TENM4: variants seen among roughly 807,000 people sequenced by gnomAD.
TENM4 encodes teneurin transmembrane protein 4, also known as teneurin-4.
Under a neutral mutation model 243.3 loss-of-function variants are expected in TENM4, and 82 were observed. The observed-to-expected ratio is 0.34, with a 90% confidence interval of 0.28 to 0.40. The LOEUF is 0.40. TENM4 is among the 10% of genes least tolerant of loss of function. The pLI, the probability that TENM4 is intolerant of heterozygous loss-of-function variation, is 1.00. For missense variants in TENM4, 3,138 were observed against 3,673.3 expected, an observed-to-expected ratio of 0.85 and a Z score of 3.77; for synonymous variants, 1,412 against 1,456.3, an observed-to-expected ratio of 0.97 and a Z score of 0.69.
rs1300276287 is a variant in TENM4 at position 78,688,150 on chromosome 11, T to C, written c.5164A>G (p.Ser1722Gly). 1 of 1,613,972 alleles carries C rather than the reference T, an allele frequency of 6.2e-7. No homozygotes were observed. Among genetic ancestry groups the C allele is most frequent in the Non-Finnish European group, 8.5e-7 (1 of 1,179,868 alleles). Residue 1722 changes from serine to glycine, a missense_variant, in exon 29 of 34, where the codon AGT (serine) becomes GGT (glycine). Ser to Gly is a moderately conservative substitution (Grantham distance 56). Around this residue, in one of 2 missense-constraint regions of TENM4, gnomAD observed 2,467 missense variants for 3,059.1 expected, o/e 0.81. Coordinates refer to ENST00000278550, the MANE Select transcript of TENM4 (RefSeq NM_001098816.3). ...GTCTCTACCTGGACATGCACTGAACTGTCTGTATCACTTCGGAAACTGCTC... is the reference window on the plus strand; with the variant it reads ...GTCTCTACCTGGACATGCACTGAACCGTCTGTATCACTTCGGAAACTGCTC... ...QVSSFRSDTD[S>G]SVHVQVETSS... is the part of the protein sequence containing the mutation.
chr11:78,761,131 G>A (rs1856421632), intron 18 of TENM4, among the ~76,000 whole-genome samples: 1 of 151,984 alleles, frequency 6.6e-6, no homozygotes, highest in Non-Finnish European at 1.5e-5. Context: ...CTAGCTCATG[G>A]TCAATCATTT....
intron 6 of TENM4, among the ~76,000 whole-genome samples, chr11:78,944,277 C>A (rs182962539): frequency 0.014 from 2,132 of 151,534 alleles, 27 homozygotes; most frequent in Admixed American, 0.031. Context: ...AAAAAAAAAA[C>A]AAAGAACCTG....
chr11:78,960,194 G>A (rs1857288259), intron 6 of TENM4, among the ~76,000 whole-genome samples: 1 of 152,026 alleles, frequency 6.6e-6, no homozygotes, highest in Admixed American at 6.5e-5. Flanking sequence ...TTGAAACACA[G>A]GCAGCTAAAA....
chr11:78,715,648 T>A (rs1427628552), intron 25 of TENM4, among the ~76,000 whole-genome samples: 1 of 152,180 alleles, frequency 6.6e-6, no homozygotes, highest in African/African-American at 2.4e-5. Flanking sequence ...GCTTTGAGCT[T>A]AGAAGGTGTA....
intron 6 of TENM4, among the ~76,000 whole-genome samples, chr11:79,040,429 T>C (rs2136898325): frequency 1.3e-5 from 2 of 152,286 alleles, no homozygotes; most frequent in Middle Eastern, 3.4e-3. Flanking sequence ...GCCTCCTGCC[T>C]CCTTTCTGTG....
chr11:78,686,714 G>C (rs1205356394), intron 29 of TENM4, among the ~76,000 whole-genome samples: 2 of 152,178 alleles, frequency 1.3e-5, no homozygotes, highest in African/African-American at 4.8e-5. Context: ...CCTATATTTG[G>C]TCACAGAAGT....
At position 78,675,847 on chromosome 11, in the gene TENM4, C is replaced by G. The variant is rs184290571; in HGVS notation, c.5496+305G>C. On this transcript the variant is annotated intron_variant, in intron 30 of 33. Transcript: ENST00000278550. ...AGCAACTTGTAAAATTGGCCTTGTCCTTCCCATTTTATAGATGATGAAATT... is the reference window on the plus strand; with the variant it reads ...AGCAACTTGTAAAATTGGCCTTGTCGTTCCCATTTTATAGATGATGAAATT... Among the ~76,000 whole-genome samples the G allele has an allele frequency of 7.3e-3, 1,110 of 152,202 alleles. 8 individuals are homozygous for G. Among genetic ancestry groups the G allele is most frequent in the Non-Finnish European group, 0.01 (702 of 67,996 alleles).
In TENM4 at chr11:78,726,071, C is replaced by T. The variant is rs1855504268; in HGVS notation, c.3550+8G>A. ...GCCTGGTTCAAGTAATTCTATTAAT[C>T]CACTTACCACTTTGAATGTTGAGGG... On this transcript the variant is annotated splice_region_variant and intron_variant, in intron 23 of 33. Transcript: ENST00000278550. The T allele has an allele frequency of 6.2e-7, 1 of 1,613,612 alleles. No homozygotes were observed.
rs1221611322 is a variant in TENM4 at position 79,032,558 on chromosome 11, C to T, written c.493+32180G>A. On this transcript the variant is annotated intron_variant, in intron 6 of 33. Coordinates refer to ENST00000278550, the MANE Select transcript of TENM4 (RefSeq NM_001098816.3). The stretch of plus-strand genomic sequence containing the variant: ...AGAAGTGTGTGATAGGCATGAATGA[C>T]GTGAAAGCCTTTCAAATGTCCAGGT... Among the ~76,000 whole-genome samples, 9 of 152,276 alleles carry T rather than the reference C, an allele frequency of 5.9e-5. No homozygotes were observed. The East Asian group carries it at 1.5e-3, about 26-fold the overall frequency.
Position 78,676,317 on chromosome 11 carries a change from C to A in TENM4, c.5331G>T (p.Glu1777Asp). ...AGTGGGGCTCAGTCTGCAGCGCCAC[C>A]TCCATGCCGTTGGCCAGCAGCAGCC... is the stretch of plus-strand genomic sequence containing the variant. The part of the protein sequence containing the change: ...SLRLLLANGM[E>D]VALQTEPHLL... The change falls in exon 30 of 34, where the codon GAG (glutamate) becomes GAT (aspartate). Residue 1777 changes from glutamate to aspartate, a missense_variant. Coordinates refer to ENST00000278550, the MANE Select transcript of TENM4 (RefSeq NM_001098816.3). The A allele has an allele frequency of 1.9e-6, 3 of 1,611,738 alleles. No homozygotes were observed. Among genetic ancestry groups the A allele is most frequent in the Non-Finnish European group, 2.5e-6 (3 of 1,178,144 alleles).
chr11:78,981,712 T>C (rs539815515), intron 6 of TENM4, among the ~76,000 whole-genome samples: 3 of 152,326 alleles, frequency 2.0e-5, no homozygotes, highest in African/African-American at 7.2e-5. Flanking sequence ...AATGAGATAA[T>C]AAATGTTGAA....
intron 18 of TENM4, among the ~76,000 whole-genome samples, chr11:78,764,315 T>A (rs958086247): frequency 6.6e-6 from 1 of 152,218 alleles, no homozygotes; most frequent in Admixed American, 6.5e-5. Context: ...AACTGGGAAT[T>A]TGGTCCATTA....
chr11:78,852,040 G>A (rs1017435223), intron 12 of TENM4, among the ~76,000 whole-genome samples: 4 of 152,196 alleles, frequency 2.6e-5, no homozygotes, highest in African/African-American at 7.2e-5. Context: ...CCTGCCAGGG[G>A]AGTTCGTTCC....
chr11:78,853,884 C>G (rs529771390), intron 12 of TENM4, among the ~76,000 whole-genome samples: 1 of 152,290 alleles, frequency 6.6e-6, no homozygotes, highest in East Asian at 1.9e-4. Context: ...CCACAGACAG[C>G]AGGAGAGAAG....
chr11:78,885,736 T>C (rs1004128080), intron 9 of TENM4, among the ~76,000 whole-genome samples: 1 of 151,994 alleles, frequency 6.6e-6, no homozygotes, highest in African/African-American at 2.4e-5. Context: ...TTGGGCAACA[T>C]ATTAGACCTC....
intron 32 of TENM4, among the ~76,000 whole-genome samples, chr11:78,667,004 T>C (rs563641765): frequency 1.3e-4 from 20 of 152,090 alleles, no homozygotes; most frequent in Non-Finnish European, 2.5e-4. Flanking sequence ...TCAGCTACAG[T>C]AACCTGCCAA....
intron 1 of TENM4, among the ~76,000 whole-genome samples, chr11:79,419,080 A>G (rs905550185): frequency 6.6e-6 from 1 of 152,200 alleles, no homozygotes; most frequent in African/African-American, 2.4e-5. Flanking sequence ...ACTTGTTTGA[A>G]GCATAGGATT....
chr11:78,789,691 G>A (rs986182673), intron 15 of TENM4, among the ~76,000 whole-genome samples: 1 of 152,156 alleles, frequency 6.6e-6, no homozygotes, highest in Non-Finnish European at 1.5e-5. Context: ...GGAGAGGGGC[G>A]GGCTGCTGGG....
intron 23 of TENM4, 107 bp from the exon 24 acceptor site, chr11:78,723,024 CAA>C (rs1475104995): frequency 1.4e-6 from 2 of 1,465,234 alleles, no homozygotes; most frequent in East Asian, 4.7e-5. Flanking sequence ...AGATCTCCAT[CAA>C]CCATTTCCAG....
Sources: allele counts gnomAD v4.1 joint callset (sites outside exome capture counted in the v4.1 genomes callset), GRCh38; gene constraint gnomAD v4.1.1; regional missense constraint gnomAD v4.1.1; transcripts MANE v1.5; gene names NCBI Gene and HGNC (gene_info 2026-07-23, HGNC 2026-07-21).